SPECC1: variants seen among roughly 807,000 people sequenced by gnomAD.
The protein encoded by SPECC1 is sperm antigen with calponin homology and coiled-coil domains 1.
SPECC1 carries 62 observed loss-of-function variants against 104.1 expected under a neutral mutation model. That is an observed-to-expected ratio of 0.60 (90% CI 0.49 to 0.74). The LOEUF is 0.74. Ranked by LOEUF, SPECC1 falls within the 30% of genes least tolerant of loss-of-function variation. The pLI is 0.00. For synonymous variants in SPECC1, 513 were observed against 501.6 expected, an observed-to-expected ratio of 1.02 and a Z score of -0.30; for missense variants, 1,306 against 1,310.5, an observed-to-expected ratio of 1.00 and a Z score of 0.05.
intron 2 of SPECC1, among the ~76,000 whole-genome samples, chr17:20,106,103 T>C (rs1414614324): frequency 1.3e-5 from 2 of 152,206 alleles, no homozygotes; most frequent in African/African-American, 4.8e-5. Flanking sequence ...GCTTGCGTTA[T>C]TGCGTTAAGA....
intron 3 of SPECC1, among the ~76,000 whole-genome samples, chr17:20,174,760 G>A (rs974270228): frequency 6.6e-6 from 1 of 152,010 alleles, no homozygotes; most frequent in Non-Finnish European, 1.5e-5. Context: ...CTCCCTGGCT[G>A]ACCACAGGTC....
rs1244168051 is a variant in SPECC1 at position 20,280,486 on chromosome 17, G to GCT, written c.2941-16472_2941-16471dup. Among the ~76,000 whole-genome samples the GCT allele has an allele frequency of 2.6e-5, 4 of 152,322 alleles. No individual in the cohort carries two copies. In the East Asian group the frequency reaches 7.7e-4, roughly 29 times the overall value. On this transcript the variant is annotated intron_variant, in intron 12 of 14. Coordinates refer to ENST00000395527, the MANE Select transcript of SPECC1 (RefSeq NM_001243439.2). The stretch of plus-strand genomic sequence containing the variant: ...TCATCCAGATGTCGTGAAGGACCTA[G>GCT]CTCTATATATCTTGGTAAGGGTGCA...
intron 1 of SPECC1, among the ~76,000 whole-genome samples, chr17:20,021,253 C>G (rs2044363678): frequency 1.3e-5 from 2 of 151,924 alleles, no homozygotes; most frequent in Non-Finnish European, 2.9e-5. Flanking sequence ...ACAGGCAGTT[C>G]AAACCTGTGC....
intron 9 of SPECC1, among the ~76,000 whole-genome samples, chr17:20,248,814 AGTT>A (rs1220305788): frequency 6.6e-6 from 1 of 152,196 alleles, no homozygotes; most frequent in Non-Finnish European, 1.5e-5. Context: ...TCATATTAAT[AGTT>A]ATCTTTTACT....
chr17:20,302,337 T>C (rs1207039189), intron 13 of SPECC1, among the ~76,000 whole-genome samples: 1 of 152,160 alleles, frequency 6.6e-6, no homozygotes, highest in African/African-American at 2.4e-5. Flanking sequence ...GAAGCAGTGA[T>C]GGCGTCACCC....
chr17:20,176,592 A>C (rs181417201), intron 3 of SPECC1, among the ~76,000 whole-genome samples: 3 of 152,320 alleles, frequency 2.0e-5, no homozygotes, highest in Admixed American at 1.3e-4. Context: ...AGGTACTGGC[A>C]GGGCTGTGTT....
chr17:20,049,558 C>T (rs921966276), intron 1 of SPECC1, among the ~76,000 whole-genome samples: 1 of 152,040 alleles, frequency 6.6e-6, no homozygotes, highest in African/African-American at 2.4e-5. Flanking sequence ...TATAGGTACT[C>T]TTTATGTGTA....
rs1173545155 is a variant in SPECC1 at position 20,317,524 on chromosome 17, G to T, written c.*3459G>T. 7.5e-5 allele frequency: 14 copies of T among 186,286 alleles called. No homozygotes were observed. The highest frequency in any genetic ancestry group is 1.2e-4 in the Non-Finnish European group (11 of 88,218). The allele number at this position is 186,286 out of a possible 1,614,324, so 11.5% of individuals were successfully genotyped here. A position where few individuals can be genotyped will look rare whatever the true frequency, so the allele number is the denominator to read the frequency against. ...TAAGCCTGCCTCAACCTCCCAAAGT[G>T]CTGGGACTACAGGGGTAAGCCACCG... On this transcript the variant is annotated 3_prime_UTR_variant, in exon 15 of 15. Transcript: ENST00000395527.
intron 1 of SPECC1, among the ~76,000 whole-genome samples, chr17:20,032,979 T>C (rs577700473): frequency 4.6e-4 from 70 of 151,952 alleles, no homozygotes; most frequent in Non-Finnish European, 1.0e-4. Flanking sequence ...TTTTTTTTTT[T>C]TTTGAGGTGG....
chr17:20,122,217 A>T (rs1377624475), intron 3 of SPECC1, among the ~76,000 whole-genome samples: 1 of 152,084 alleles, frequency 6.6e-6, no homozygotes, highest in Non-Finnish European at 1.5e-5. Flanking sequence ...AGGACTTTGG[A>T]TTTTTTACTC....
At chr17:20,050,784 G>A (rs530728912) in intron 1 of SPECC1, among the ~76,000 whole-genome samples, 1 of 152,254 alleles carries the variant, frequency 6.6e-6, no homozygotes, top group South Asian at 2.1e-4. Context: ...CCCAACTTAG[G>A]CTCACATTTG....
chr17:20,254,336 A>C (rs891891835), intron 10 of SPECC1, among the ~76,000 whole-genome samples: 4 of 152,140 alleles, frequency 2.6e-5, no homozygotes, highest in Non-Finnish European at 5.9e-5. Flanking sequence ...CTTGAGTCTC[A>C]GTACTGCTGC....
At chr17:20,109,269 G>A (rs2048369545) in intron 2 of SPECC1, among the ~76,000 whole-genome samples, 1 of 152,242 alleles carries the variant, frequency 6.6e-6, no homozygotes, top group Admixed American at 6.5e-5. Flanking sequence ...GATGGGCGGG[G>A]CTCGCCCACT....
Position 20,018,153 on chromosome 17 carries a change from T to G in SPECC1, c.-22+8729T>G, listed in dbSNP as rs2044221952. The G allele has an allele frequency of 2.0e-5, 3 of 152,208 alleles. No individual in the cohort carries two copies. In the South Asian group the frequency reaches 6.2e-4, roughly 32 times the overall value. The allele number at this position is 152,208 out of a possible 1,614,324, so 9.4% of individuals were successfully genotyped here. On this transcript the variant is annotated intron_variant, in intron 1 of 14. Transcript: ENST00000395527. Reference sequence around the variant, plus strand: ...CTGCTGTTCTATCTGCTGTTACAAGTCTGTTCCTGGAAACCTGTTACCATT... The same window carrying G: ...CTGCTGTTCTATCTGCTGTTACAAGGCTGTTCCTGGAAACCTGTTACCATT...
chr17:20,280,190 G>A (rs534263209), intron 12 of SPECC1, among the ~76,000 whole-genome samples: 263 of 152,350 alleles, frequency 1.7e-3, no homozygotes, highest in Middle Eastern at 6.8e-3. Context: ...GGACCTGCAT[G>A]TGTCGTCAGA....
chr17:20,015,477 T>G (rs187109309), intron 1 of SPECC1, among the ~76,000 whole-genome samples: 147 of 152,056 alleles, frequency 9.7e-4, no homozygotes, highest in South Asian at 1.9e-3. Flanking sequence ...TTGGGCTGGT[T>G]TTGCAGGTCA....
At chr17:20,308,654 C>T (rs1052900651) in intron 14 of SPECC1, among the ~76,000 whole-genome samples, 1 of 152,146 alleles carries the variant, frequency 6.6e-6, no homozygotes, top group Admixed American at 6.5e-5. Flanking sequence ...AATGTAGTCA[C>T]ACACACAAAG....
At chr17:20,129,191 GT>G (rs534899612) in intron 3 of SPECC1, among the ~76,000 whole-genome samples, 23 of 126,848 alleles carry the variant, frequency 1.8e-4, no homozygotes, top group South Asian at 5.2e-4. Flanking sequence ...GTTTTTTTTT[GT>G]TTTTTTTTTT....
intron 4 of SPECC1, among the ~76,000 whole-genome samples, chr17:20,220,309 A>AG (rs1166021553): frequency 7.2e-5 from 11 of 152,048 alleles, no homozygotes; most frequent in African/African-American, 2.7e-4. Context: ...CTACACATAG[A>AG]GTGTCTTTAT....
Sources: gnomAD v4.1 joint callset for allele counts (sites outside exome capture counted in the v4.1 genomes callset) on GRCh38, gnomAD v4.1.1 for gene constraint, MANE v1.5 for transcripts, NCBI Gene and HGNC (gene_info 2026-07-23, HGNC 2026-07-21) for gene names.